Variants in CACNG5 observed in about 807,000 individuals in gnomAD.
The protein encoded by CACNG5 is calcium voltage-gated channel auxiliary subunit gamma 5, also known as voltage-dependent calcium channel gamma-5 subunit.
CACNG5 carries 18 observed loss-of-function variants against 24.8 expected under a neutral mutation model. The ratio of observed to expected loss-of-function variants is 0.73; its 90% CI spans 0.50 to 1.08. The LOEUF (loss-of-function observed/expected upper bound fraction) is 1.08. Ranked by LOEUF, CACNG5 falls within the 50% of genes least tolerant of loss-of-function variation. The probability of loss-of-function intolerance (pLI) is 0.00; values close to 1 mark genes in which losing one functional copy is unlikely to be tolerated. For missense variants in CACNG5, 349 were observed against 367.9 expected (o/e 0.95, Z 0.42); for synonymous variants, 157 against 149.1 (o/e 1.05, Z -0.39).
intron 1 of CACNG5, among the ~76,000 whole-genome samples, chr17:66,843,959 G>A (rs8078344): frequency 0.077 from 11,477 of 149,212 alleles, 855 homozygotes; most frequent in African/African-American, 0.2. Context: ...CCCTTGACTC[G>A]GGGGGAGAGA....
intron 1 of CACNG5, among the ~76,000 whole-genome samples, chr17:66,863,690 T>A (rs1436316110): frequency 1.3e-5 from 2 of 152,208 alleles, no homozygotes; most frequent in East Asian, 3.8e-4. Flanking sequence ...TATTGAGATT[T>A]ATACACATAA....
chr17:66,849,265 G>A (rs1976679129), intron 1 of CACNG5, among the ~76,000 whole-genome samples: 1 of 151,928 alleles, frequency 6.6e-6, no homozygotes, highest in Non-Finnish European at 1.5e-5. Flanking sequence ...TTGTTGTGGG[G>A]AGGGTGAGGA....
chr17:66,839,925 A>T (rs1238334940), intron 1 of CACNG5, among the ~76,000 whole-genome samples: 5 of 152,224 alleles, frequency 3.3e-5, no homozygotes, highest in African/African-American at 1.2e-4. Flanking sequence ...TAAGGAATTC[A>T]GGCAGCGCTG....
At chr17:66,878,413 G>T (rs1297282888) in intron 2 of CACNG5, among the ~76,000 whole-genome samples, 4 of 152,218 alleles carry the variant, frequency 2.6e-5, no homozygotes, top group East Asian at 1.9e-4. Flanking sequence ...GTGGGTATTT[G>T]TTCCTACCAG....
At chr17:66,880,407 C>T in intron 3 of CACNG5, 150 bp from the exon 4 acceptor site, 1 of 861,672 alleles carries the variant, frequency 1.2e-6, no homozygotes, top group Non-Finnish European at 1.8e-6. Context: ...ATCCCCAGGC[C>T]ACCTGATGGG....
chr17:66,879,158 C>T (rs1189678534), intron 3 of CACNG5, 100 bp downstream of exon 3: 4 of 817,378 alleles, frequency 4.9e-6, no homozygotes, highest in Non-Finnish European at 8.2e-6. Flanking sequence ...AAGAGGAATG[C>T]CCTTAGACTC....
At chr17:66,869,522 C>A (rs770375450) in intron 1 of CACNG5, among the ~76,000 whole-genome samples, 81 of 152,190 alleles carry the variant, frequency 5.3e-4, no homozygotes, top group Non-Finnish European at 1.0e-3. Context: ...GACTGAGGTT[C>A]AGAGTGGCCA....
At chr17:66,881,811 G>T (rs894841278) in intron 4 of CACNG5, among the ~76,000 whole-genome samples, 18 of 152,002 alleles carry the variant, frequency 1.2e-4, no homozygotes, top group Non-Finnish European at 1.8e-4. Context: ...GAGGTTGGGG[G>T]TGGGGGTGGA....
intron 1 of CACNG5, among the ~76,000 whole-genome samples, chr17:66,848,288 C>T (rs775053689): frequency 6.6e-6 from 1 of 152,302 alleles, no homozygotes; most frequent in African/African-American, 2.4e-5. Flanking sequence ...CAGGAAACTT[C>T]CAGAAGTTCC....
chr17:66,869,628 T>C (rs1719243387), intron 1 of CACNG5, among the ~76,000 whole-genome samples: 1 of 151,964 alleles, frequency 6.6e-6, no homozygotes. Flanking sequence ...AGCTGTAAAC[T>C]CCAGGGACTA....
chr17:66,870,037 T>C (rs963965022), intron 1 of CACNG5, among the ~76,000 whole-genome samples: 2 of 151,636 alleles, frequency 1.3e-5, no homozygotes, highest in African/African-American at 4.8e-5. Context: ...GAGCTGAGAT[T>C]GCGCCACTGC....
chr17:66,853,264 C>T (rs10221247), intron 1 of CACNG5, among the ~76,000 whole-genome samples: 59,670 of 152,018 alleles, frequency 0.39, 12,001 homozygotes, highest in South Asian at 0.5. Context: ...GTTTTGGACA[C>T]TGGGGTTGTT....
chr17:66,877,304 G>C lies in CACNG5; in HGVS notation c.-29G>C, dbSNP rs375463562. The C allele has an allele frequency of 1.7e-5, 28 of 1,600,150 alleles. No homozygotes were observed. Among genetic ancestry groups the C allele is most frequent in the East Asian group, 2.2e-5 (1 of 44,678 alleles). On this transcript the variant is annotated 5_prime_UTR_variant, in exon 2 of 6. Coordinates refer to ENST00000533854, the MANE Select transcript of CACNG5 (RefSeq NM_145811.3). ...CAGTCCGTGCTGGTGGGAGCGTGGC[G>C]ACTAGTTGCACAGCAACGGTCCAGG...
At chr17:66,835,523 C>T (rs2144491305) in intron 1 of CACNG5, among the ~76,000 whole-genome samples, 1 of 152,346 alleles carries the variant, frequency 6.6e-6, no homozygotes, top group Non-Finnish European at 1.5e-5. Context: ...CCCCTCTTTG[C>T]AGTCGCTTCT....
At chr17:66,860,633 G>GA (rs4021789) in intron 1 of CACNG5, among the ~76,000 whole-genome samples, 50,453 of 147,772 alleles carry the variant, frequency 0.34, 8,652 homozygotes, top group South Asian at 0.5. Flanking sequence ...CCACTTGACA[G>GA]AAAAAAAAAA....
At chr17:66,852,857 CCCTT>C (rs1014489583) in intron 1 of CACNG5, among the ~76,000 whole-genome samples, 9 of 148,196 alleles carry the variant, frequency 6.1e-5, no homozygotes, top group Non-Finnish European at 8.9e-5. Context: ...CTCCCTCCCT[CCCTT>C]CCTTCCTCTC....
intron 1 of CACNG5, among the ~76,000 whole-genome samples, chr17:66,858,718 C>G (rs111370114): frequency 2.1e-3 from 311 of 144,894 alleles, no homozygotes; most frequent in Non-Finnish European, 3.2e-3. Context: ...CTCCCAGGGG[C>G]CCCCTGAAGA....
rs72843371 is a variant in CACNG5, at chr17:66,886,508, C to A, written c.*1268C>A. 6.6e-4 allele frequency among the ~76,000 whole-genome samples: 101 copies of A among 152,148 alleles called. No individual in the cohort carries two copies. The highest frequency in any genetic ancestry group is 1.8e-3 in the African/African-American group (75 of 41,536). The stretch of plus-strand genomic sequence containing the variant: ...CCACAGAAGCCACTGCAAGCCATGC[C>A]CCCCTTCAGCTCTCCAAGTGTCAGC... On this transcript the variant is annotated 3_prime_UTR_variant, in exon 6 of 6. Coordinates refer to ENST00000533854, the MANE Select transcript of CACNG5 (RefSeq NM_145811.3).
chr17:66,863,725 C>T (rs1030456818), intron 1 of CACNG5, among the ~76,000 whole-genome samples: 1 of 152,184 alleles, frequency 6.6e-6, no homozygotes, highest in Non-Finnish European at 1.5e-5. Context: ...CTTCTCTTCT[C>T]TTCTGCATTT....
Sources: gnomAD v4.1 joint callset for allele counts (sites outside exome capture counted in the v4.1 genomes callset) on GRCh38, gnomAD v4.1.1 for gene constraint, MANE v1.5 for transcripts, NCBI Gene and HGNC (gene_info 2026-07-23, HGNC 2026-07-21) for gene names.